Variants in SMG9 observed in about 807,000 individuals in gnomAD.
The protein encoded by SMG9 is SMG9 nonsense mediated mRNA decay factor.
SMG9 carries 55 observed loss-of-function variants against 64.0 expected under a neutral mutation model. That is an observed-to-expected ratio of 0.86 (90% CI 0.69 to 1.08). The LOEUF (loss-of-function observed/expected upper bound fraction) is 1.08. SMG9 is among the 50% of genes least tolerant of loss of function. The probability of loss-of-function intolerance (pLI) is 0.00; values close to 1 mark genes in which losing one functional copy is unlikely to be tolerated. For synonymous variants in SMG9, 244 were observed against 254.8 expected, an observed-to-expected ratio of 0.96 and a Z score of 0.41; for missense variants, 554 against 681.3, an observed-to-expected ratio of 0.81 and a Z score of 2.08.
In SMG9 at chr19:43,731,386, G is replaced by T; in HGVS notation, c.*210C>A. Reference sequence around the variant, plus strand: ...GGCTACCCCATCTCAGGTTTGGGGTGGGATCGCTCACAGTCACCCCCGGAA... The same window carrying T: ...GGCTACCCCATCTCAGGTTTGGGGTTGGATCGCTCACAGTCACCCCCGGAA... On this transcript the variant is annotated 3_prime_UTR_variant, in exon 14 of 14. Transcript: ENST00000270066. 1 of 1,376,204 alleles carries T rather than the reference G, an allele frequency of 7.3e-7. No homozygotes were observed. The highest frequency in any genetic ancestry group is 9.4e-7 in the Non-Finnish European group (1 of 1,064,414). 85.2% of individuals were successfully genotyped at this position (1,376,204 alleles called of 1,614,324 possible).
intron 12 of SMG9, 30 bp from the exon 13 acceptor site, chr19:43,733,032 G>C (rs1238830150): frequency 6.3e-7 from 1 of 1,578,958 alleles, no homozygotes. Flanking sequence ...AGGGTAAGAG[G>C]GATAGACTGC....
intron 13 of SMG9, among the ~76,000 whole-genome samples, chr19:43,732,009 C>T (rs1968501093): frequency 6.6e-6 from 1 of 152,226 alleles, no homozygotes; most frequent in African/African-American, 2.4e-5. Context: ...AGTCTTACGA[C>T]ATAGAAAACA....
At chr19:43,732,720 T>C (rs1465934976) in intron 13 of SMG9, 138 bp downstream of exon 13, 2 of 986,234 alleles carry the variant, frequency 2.0e-6, no homozygotes, top group Non-Finnish European at 3.0e-6. Context: ...ACAGTAGCAA[T>C]CATCACTGTT....
rs760061662 is a variant in SMG9, at chr19:43,733,383, T to G, written c.1280A>C (p.Asn427Thr). The G allele has an allele frequency of 6.2e-7, 1 of 1,614,140 alleles. No individual in the cohort carries two copies. The highest frequency in any genetic ancestry group is 1.7e-5 in the Admixed American group (1 of 60,020). ...LPPDFLDSEV[N>T]LFLVPFMDSE... The stretch of plus-strand genomic sequence containing the variant: ...GTCCATGAAGGGTACCAGGAATAAG[T>G]TGACCTCAGAGTCCAGGAAGTCAGG... Residue 427 changes from asparagine to threonine, a missense_variant, in exon 12 of 14, where the codon AAC becomes ACC. Transcript: ENST00000270066.
At chr19:43,734,639 T>C in intron 9 of SMG9, 144 bp from the exon 10 acceptor site, 1 of 550,576 alleles carries the variant, frequency 1.8e-6, no homozygotes, top group Admixed American at 3.1e-5. Context: ...TTCTCACAAT[T>C]TCAGAGAATT....
Position 43,747,614 on chromosome 19 carries a change from CT to C in SMG9, c.490+18del, listed in dbSNP as rs1262539099. On this transcript the variant is annotated intron_variant, in intron 4 of 13. Transcript: ENST00000270066. ...GGAGACGCCAGTTCCCAACCTGGTACTGCCCAGCCCCAACTCACGGTCCATG... is the reference window on the plus strand; with the variant it reads ...GGAGACGCCAGTTCCCAACCTGGTACGCCCAGCCCCAACTCACGGTCCATG... 1.2e-5 allele frequency: 19 copies of C among 1,613,886 alleles called. 1 individual carries two copies. In the Admixed American group the frequency reaches 3.2e-4, roughly 27 times the overall value.
At chr19:43,753,744 A>T (rs1209571260) in intron 1 of SMG9, among the ~76,000 whole-genome samples, 1 of 151,924 alleles carries the variant, frequency 6.6e-6, no homozygotes, top group Non-Finnish European at 1.5e-5. Flanking sequence ...TCCCCGGGTA[A>T]GCCACCGCAC....
intron 6 of SMG9, among the ~76,000 whole-genome samples, chr19:43,741,678 C>T (rs968663656): frequency 1.3e-5 from 2 of 152,216 alleles, no homozygotes; most frequent in African/African-American, 4.8e-5. Context: ...CTTCTACACA[C>T]ACTATGGGCA....
Position 43,748,582 on chromosome 19 carries a change from C to T in SMG9, c.151-530G>A, listed in dbSNP as rs1969099840. The stretch of plus-strand genomic sequence containing the variant: ...CACTATGTGAGAGCTGCTGGTGGCA[C>T]TTGCTATCCTGATCACCTCTGCCTC... On this transcript the variant is annotated intron_variant, in intron 2 of 13. Coordinates refer to ENST00000270066, the MANE Select transcript of SMG9 (RefSeq NM_019108.4). 2.4e-5 allele frequency: 12 copies of T among 499,640 alleles called. No homozygotes were observed. In the Admixed American group the frequency reaches 2.4e-4, roughly 10 times the overall value. 31.0% of individuals were successfully genotyped at this position (499,640 alleles called of 1,614,324 possible).
At chr19:43,735,339 C>T (rs1021719398) in intron 9 of SMG9, among the ~76,000 whole-genome samples, 10 of 152,042 alleles carry the variant, frequency 6.6e-5, no homozygotes, top group African/African-American at 2.2e-4. Flanking sequence ...TCTGTGTGGC[C>T]GAGCACGGTG....
Position 43,737,633 on chromosome 19 carries a change from A to G in SMG9, c.959T>C (p.Val320Ala). ...GAGGTCTGTGAACCAGTCCTGGACAACAATCACCACATGGCAGACCGTGAA... is the reference window on the plus strand; with the variant it reads ...GAGGTCTGTGAACCAGTCCTGGACAGCAATCACCACATGGCAGACCGTGAA... ...FLFTVCHVVI[V>A]VQDWFTDLSL... Residue 320 changes from valine to alanine, a missense_variant, in exon 9 of 14, where the codon GTT becomes GCT. By Grantham distance (64) the Val-to-Ala change is moderately conservative. Coordinates refer to ENST00000270066, the MANE Select transcript of SMG9 (RefSeq NM_019108.4). The G allele has an allele frequency of 6.2e-7, 1 of 1,613,990 alleles. No individual in the cohort carries two copies. The highest frequency in any genetic ancestry group is 1.1e-5 in the South Asian group (1 of 91,058).
At chr19:43,740,610 G>A (rs1968817990) in intron 6 of SMG9, among the ~76,000 whole-genome samples, 1 of 152,130 alleles carries the variant, frequency 6.6e-6, no homozygotes, top group African/African-American at 2.4e-5. Context: ...AAAACTCTGT[G>A]TATTACTGTG....
chr19:43,731,142 A>C lies in SMG9; in HGVS notation c.*454T>G, dbSNP rs1358188387. The C allele has an allele frequency of 3.0e-6, 3 of 989,624 alleles. No homozygotes were observed. Among genetic ancestry groups the C allele is most frequent in the Middle Eastern group, 5.2e-4 (1 of 1,932 alleles). The allele number at this position is 989,624 out of a possible 1,614,324, so 61.3% of individuals were successfully genotyped here. ...TGGTGGGTAGAGGAGTAAGTGGAAC[A>C]TAAGAACAGGCTTGCATGACTGTGT... is the stretch of plus-strand genomic sequence containing the variant. On this transcript the variant is annotated 3_prime_UTR_variant, in exon 14 of 14. Coordinates refer to ENST00000270066, the MANE Select transcript of SMG9 (RefSeq NM_019108.4).
Position 43,728,019 on chromosome 19 carries a change from CAA to C in SMG9, c.*3575_*3576del, listed in dbSNP as rs1470940472. On this transcript the variant is annotated 3_prime_UTR_variant, in exon 14 of 14. Coordinates refer to ENST00000270066, the MANE Select transcript of SMG9 (RefSeq NM_019108.4). ...GAGTATGTATTGGCTCATTTATTTG[CAA>C]AGTTAGAGGATTGCAAAATGCTATG... 3 of 152,186 alleles carry C rather than the reference CAA, an allele frequency of 2.0e-5. No individual in the cohort carries two copies. Among genetic ancestry groups the C allele is most frequent in the African/African-American group, 7.2e-5 (3 of 41,434 alleles). The allele number at this position is 152,186 out of a possible 1,614,324, so 9.4% of individuals were successfully genotyped here. A position where few individuals can be genotyped will look rare whatever the true frequency, so the allele number is the denominator to read the frequency against.
chr19:43,731,746 G>A (rs1600187767), intron 13 of SMG9, 72 bp from the exon 14 acceptor site: 6 of 1,589,330 alleles, frequency 3.8e-6, no homozygotes, highest in Middle Eastern at 1.7e-4. Context: ...CGGGACAGGT[G>A]GAGAAACTGA....
intron 7 of SMG9, 91 bp from the exon 8 acceptor site, chr19:43,738,308 GTC>G (rs1308510176): frequency 8.4e-7 from 1 of 1,187,040 alleles, no homozygotes; most frequent in Non-Finnish European, 1.2e-6. Flanking sequence ...ACAAAACAAG[GTC>G]AGAAACAAAG....
At chr19:43,753,454 T>C (rs919216020) in intron 1 of SMG9, among the ~76,000 whole-genome samples, 23 of 148,266 alleles carry the variant, frequency 1.6e-4, no homozygotes, top group Admixed American at 1.5e-3. Flanking sequence ...GTGTGAATGC[T>C]TTTCTTTTTT....
At chr19:43,734,305 T>C (rs1268094067) in intron 10 of SMG9, 84 bp downstream of exon 10, 6 of 1,095,782 alleles carry the variant, frequency 5.5e-6, no homozygotes, top group Middle Eastern at 2.6e-4. Context: ...TTCCTCTCTC[T>C]CCCCTCTTCT....
Position 43,747,503 on chromosome 19 carries a change from C to T in SMG9, c.527G>A (p.Arg176His), listed in dbSNP as rs775419922. The T allele has an allele frequency of 1.8e-5, 29 of 1,613,992 alleles. 1 individual carries two copies. Among genetic ancestry groups the T allele is most frequent in the Admixed American group, 6.7e-5 (4 of 59,994 alleles). Residue 176 changes from arginine to histidine, a missense_variant, in exon 5 of 14, where the codon CGC (arginine) becomes CAC (histidine). Transcript: ENST00000270066. ...CACCAACTTGATGCTGTGCTTCATGCGCTCTGGGGGCAGTAGTTTGGCCTG... is the reference window on the plus strand; with the variant it reads ...CACCAACTTGATGCTGTGCTTCATGTGCTCTGGGGGCAGTAGTTTGGCCTG... ...VGQAKLLPPE[R>H]MKHSIKLVDD...
Sources: gnomAD v4.1 joint callset for allele counts (sites outside exome capture counted in the v4.1 genomes callset) on GRCh38, gnomAD v4.1.1 for gene constraint, MANE v1.5 for transcripts, NCBI Gene and HGNC (gene_info 2026-07-23, HGNC 2026-07-21) for gene names.